The following ANKH variants were observed in gnomAD, a reference collection of about 807,000 sequenced individuals.
The protein encoded by ANKH is ANKH inorganic pyrophosphate transport regulator.
A neutral mutation model predicts 49.0 loss-of-function variants in ANKH; 15 were observed. The observed-to-expected ratio is 0.31, with a 90% CI of 0.20 to 0.47. The LOEUF (loss-of-function observed/expected upper bound fraction) is 0.47, where lower values mean the gene tolerates loss of function less well. Among genes scored for constraint, ANKH ranks in the 20% least tolerant of loss-of-function variants. The pLI is 1.00. For synonymous variants in ANKH, 273 were observed against 260.0 expected (o/e 1.05, Z -0.48); for missense variants, 429 against 652.0 (o/e 0.66, Z 3.72).
intron 5 of ANKH, 147 bp downstream of exon 5, chr5:14,750,922 C>T (rs903201043): frequency 4.4e-6 from 4 of 909,396 alleles, no homozygotes; most frequent in Admixed American, 4.0e-5. Context: ...TCTTTCCCTG[C>T]AGACATCTAG....
intron 1 of ANKH, among the ~76,000 whole-genome samples, chr5:14,812,338 G>A (rs1477432239): frequency 6.6e-6 from 1 of 151,862 alleles, no homozygotes; most frequent in Non-Finnish European, 1.5e-5. Context: ...CCTTTCTTCT[G>A]CCACCTGTTA....
At chr5:14,838,373 C>T (rs1741720518) in intron 1 of ANKH, among the ~76,000 whole-genome samples, 1 of 150,874 alleles carries the variant, frequency 6.6e-6, no homozygotes, top group Non-Finnish European at 1.5e-5. Flanking sequence ...TACCCTAAAA[C>T]TTAAAGTATA....
Position 14,705,718 on chromosome 5 carries a change from G to C in ANKH, c.*5479C>G, listed in dbSNP as rs183658975. The stretch of plus-strand genomic sequence containing the variant: ...AAGGCTTGTGGATGTGGCAGCCCTG[G>C]GGTAAGGGACCTGCTGCACGGTGAC... On this transcript the variant is annotated 3_prime_UTR_variant, in exon 12 of 12. Coordinates refer to ENST00000284268, the MANE Select transcript of ANKH (RefSeq NM_054027.6). 4 of 153,114 alleles carry C rather than the reference G, an allele frequency of 2.6e-5. No homozygotes were observed. Among genetic ancestry groups the C allele is most frequent in the Non-Finnish European group, 2.9e-5 (2 of 68,250 alleles). The allele number at this position is 153,114 out of a possible 1,614,324, so 9.5% of individuals were successfully genotyped here. A position where few individuals can be genotyped will look rare whatever the true frequency, so the allele number is the denominator to read the frequency against.
intron 8 of ANKH, among the ~76,000 whole-genome samples, chr5:14,729,305 G>A (rs1202039379): frequency 6.6e-6 from 1 of 151,848 alleles, no homozygotes; most frequent in Non-Finnish European, 1.5e-5. Context: ...CGCCCACCTT[G>A]GCCTCCCAAA....
At chr5:14,757,392 C>T (rs915628988) in intron 3 of ANKH, among the ~76,000 whole-genome samples, 1 of 145,500 alleles carries the variant, frequency 6.9e-6, no homozygotes, top group African/African-American at 2.6e-5. Context: ...GTTTACTTTC[C>T]AGCATTGGAC....
At chr5:14,772,227 T>C (rs1739469390) in intron 1 of ANKH, among the ~76,000 whole-genome samples, 3 of 152,186 alleles carry the variant, frequency 2.0e-5, no homozygotes, top group African/African-American at 4.8e-5. Flanking sequence ...TGTGCCTTTG[T>C]TTCATTCCTT....
chr5:14,756,764 A>G (rs890687346), intron 3 of ANKH, among the ~76,000 whole-genome samples: 1 of 151,366 alleles, frequency 6.6e-6, no homozygotes, highest in Non-Finnish European at 1.5e-5. Flanking sequence ...TCCAACCAAT[A>G]TATCAGCGCC....
intron 1 of ANKH, among the ~76,000 whole-genome samples, chr5:14,780,449 G>A (rs1408846381): frequency 3.3e-5 from 5 of 152,050 alleles, no homozygotes; most frequent in African/African-American, 1.2e-4. Flanking sequence ...AGGCTGAGGC[G>A]GGAGAATCAC....
At position 14,711,329 on chromosome 5, in the gene ANKH, A is replaced by G. The variant is rs1237057988; in HGVS notation, c.1366-19T>C. ...TCTTTTTCTAGACCAAAGAAGACTC[A>G]TCAGTGTGGGGCTGTGGATGGGGAC... On this transcript the variant is annotated intron_variant, in intron 11 of 11. Transcript: ENST00000284268. 3 of 1,606,202 alleles carry G rather than the reference A, an allele frequency of 1.9e-6. No individual in the cohort carries two copies. The South Asian group carries it at 3.3e-5, about 18-fold the overall frequency.
At chr5:14,808,283 G>A (rs1322294161) in intron 1 of ANKH, among the ~76,000 whole-genome samples, 1 of 151,950 alleles carries the variant, frequency 6.6e-6, no homozygotes, top group Non-Finnish European at 1.5e-5. Flanking sequence ...TGTAGAGTTT[G>A]TAAATCTTAT....
At chr5:14,756,858 C>T (rs1738903165) in intron 3 of ANKH, among the ~76,000 whole-genome samples, 1 of 152,178 alleles carries the variant, frequency 6.6e-6, no homozygotes, top group African/African-American at 2.4e-5. Flanking sequence ...TATAAGCCAT[C>T]TCTTGCTGTT....
At chr5:14,724,472 A>C (rs1561025266) in intron 8 of ANKH, 1 of 866,280 alleles carries the variant, frequency 1.2e-6, no homozygotes, top group Admixed American at 6.2e-5. Context: ...TTGACCACAT[A>C]TTAAGGTCCC....
intron 2 of ANKH, among the ~76,000 whole-genome samples, chr5:14,761,763 CTT>C (rs35602674): frequency 0.3 from 44,435 of 146,336 alleles, 7,411 homozygotes; most frequent in Admixed American, 0.39. Context: ...CCCCTTTTGC[CTT>C]TTTTTTTTTT....
chr5:14,852,416 G>C (rs912154314), intron 1 of ANKH, among the ~76,000 whole-genome samples: 5 of 152,212 alleles, frequency 3.3e-5, no homozygotes, highest in African/African-American at 9.6e-5. Flanking sequence ...ACAGGGCAGA[G>C]AACAGAAATT....
intron 1 of ANKH, among the ~76,000 whole-genome samples, chr5:14,859,697 T>C (rs1002993672): frequency 5.3e-5 from 8 of 152,222 alleles, no homozygotes; most frequent in Non-Finnish European, 8.8e-5. Context: ...ACTGTGGATA[T>C]ATCTGGGCTG....
chr5:14,795,518 C>A (rs1740346294), intron 1 of ANKH, among the ~76,000 whole-genome samples: 1 of 152,110 alleles, frequency 6.6e-6, no homozygotes, highest in Admixed American at 6.5e-5. Context: ...CAAACCTTCA[C>A]CCTTTTCAAA....
chr5:14,719,814 TA>T (rs1318790782), intron 8 of ANKH, among the ~76,000 whole-genome samples: 1 of 152,154 alleles, frequency 6.6e-6, no homozygotes, highest in African/African-American at 2.4e-5. Flanking sequence ...TACTGTGAGT[TA>T]CAATCCTTAC....
intron 1 of ANKH, among the ~76,000 whole-genome samples, chr5:14,835,602 G>C (rs1433674899): frequency 6.6e-6 from 1 of 152,156 alleles, no homozygotes; most frequent in Non-Finnish European, 1.5e-5. Flanking sequence ...AGATGCTCCT[G>C]CTGGCTACTA....
At position 14,713,761 on chromosome 5, in the gene ANKH, G is replaced by A; in HGVS notation, c.1142-94C>T. On this transcript the variant is annotated intron_variant, in intron 9 of 11. Transcript: ENST00000284268. This position sits in a 1 kb window ranked among gnomAD's most constrained non-coding sequence, Gnocchi z 4.4. ...CAGGGCAGCACATCCGAGAGCCAGG[G>A]GCTGCCTAGGACCCTGGCCTTGCTG... is the stretch of plus-strand genomic sequence containing the variant. 6.4e-7 allele frequency: 1 copy of A among 1,572,196 alleles called. No individual in the cohort carries two copies. The highest frequency in any genetic ancestry group is 8.7e-7 in the Non-Finnish European group (1 of 1,147,742).
Sources: allele counts gnomAD v4.1 joint callset (sites outside exome capture counted in the v4.1 genomes callset), GRCh38; gene constraint gnomAD v4.1.1; non-coding constraint Gnocchi (gnomAD v3.1); transcripts MANE v1.5; gene names NCBI Gene and HGNC (gene_info 2026-07-23, HGNC 2026-07-21).